PCDH7: variants seen among roughly 807,000 people sequenced by gnomAD.
PCDH7 encodes protocadherin-7.
Under a neutral mutation model 58.9 loss-of-function variants are expected in PCDH7, and 17 were observed. The ratio of observed to expected loss-of-function variants is 0.29; its 90% CI spans 0.20 to 0.43. PCDH7 has a LOEUF of 0.43. PCDH7 is among the 20% of genes least tolerant of loss of function. The probability of loss-of-function intolerance (pLI) is 1.00; values close to 1 mark genes in which losing one functional copy is unlikely to be tolerated. For synonymous variants in PCDH7, 664 were observed against 616.4 expected (o/e 1.08, Z -1.14); for missense variants, 1,274 against 1,441.0 (o/e 0.88, Z 1.88).
intron 3 of PCDH7, among the ~76,000 whole-genome samples, chr4:31,139,476 T>C (rs1719997636): frequency 6.6e-6 from 1 of 152,196 alleles, no homozygotes; most frequent in Non-Finnish European, 1.5e-5. Context: ...GTGAAAGGCT[T>C]TCCTCTATAA....
intron 3 of PCDH7, among the ~76,000 whole-genome samples, chr4:30,968,375 A>AATATATATATAT (rs1560541525): frequency 1.4e-5 from 1 of 71,750 alleles, no homozygotes; most frequent in Non-Finnish European, 2.7e-5. Context: ...ATATACACAC[A>AATATATATATAT]CTATATATAT....
rs1729375595 is a variant in PCDH7 at position 30,828,544 on chromosome 4, A to C, written c.71-91609A>C. Among the ~76,000 whole-genome samples the C allele has an allele frequency of 3.3e-5, 5 of 152,100 alleles. 1 individual carries two copies. The South Asian group carries it at 1.0e-3, about 32-fold the overall frequency. ...ATGAGAATGCATGTGTTCATCATGA[A>C]ATCTAATTAGAGTGATACCAAAAAA... On this transcript the variant is annotated intron_variant, in intron 1 of 3. Transcript: ENST00000509759.
At chr4:31,062,412 G>C (rs1300396806) in intron 3 of PCDH7, among the ~76,000 whole-genome samples, 1 of 151,648 alleles carries the variant, frequency 6.6e-6, no homozygotes, top group Middle Eastern at 3.2e-3. Context: ...GAAAATAATA[G>C]TTTTCTTGTT....
intron 3 of PCDH7, among the ~76,000 whole-genome samples, chr4:31,099,669 A>G (rs1198311557): frequency 6.6e-6 from 1 of 152,182 alleles, no homozygotes; most frequent in African/African-American, 2.4e-5. Context: ...TATTTCACAT[A>G]CGGTGAAATT....
intron 3 of PCDH7, among the ~76,000 whole-genome samples, chr4:31,045,589 T>A (rs1756216856): frequency 6.6e-6 from 1 of 152,054 alleles, no homozygotes; most frequent in Admixed American, 6.6e-5. Context: ...GTTCCTGATT[T>A]GCTACAGTTT....
intron 3 of PCDH7, among the ~76,000 whole-genome samples, chr4:30,988,242 A>G (rs1042624392): frequency 2.6e-5 from 4 of 152,208 alleles, no homozygotes; most frequent in Non-Finnish European, 5.9e-5. Flanking sequence ...TGCAGAAAAC[A>G]CATTATTTTG....
chr4:30,856,602 T>C (rs1733486464), intron 1 of PCDH7, among the ~76,000 whole-genome samples: 1 of 151,708 alleles, frequency 6.6e-6, no homozygotes, highest in South Asian at 2.1e-4. Context: ...ATTTGATACA[T>C]ACGTGTATAG....
chr4:30,907,634 G>T (rs1158978822), intron 1 of PCDH7, among the ~76,000 whole-genome samples: 1 of 152,112 alleles, frequency 6.6e-6, no homozygotes, highest in African/African-American at 2.4e-5. Context: ...AAATAGGAAT[G>T]CTTTTACACT....
At chr4:30,774,946 T>C (rs1721875673) in intron 1 of PCDH7, among the ~76,000 whole-genome samples, 1 of 152,232 alleles carries the variant, frequency 6.6e-6, no homozygotes, top group African/African-American at 2.4e-5. Flanking sequence ...GATTTAAGTG[T>C]AAATTTGTTG....
intron 3 of PCDH7, among the ~76,000 whole-genome samples, chr4:31,056,514 A>AAAGAAAGAAAGG (rs1560608904): frequency 2.0e-5 from 2 of 102,506 alleles, no homozygotes; most frequent in Non-Finnish European, 4.1e-5. Context: ...AGAAAGAAAG[A>AAAGAAAGAAAGG]AAGGGGAAGG....
At chr4:30,784,690 G>A (rs1040904502) in intron 1 of PCDH7, among the ~76,000 whole-genome samples, 5 of 151,512 alleles carry the variant, frequency 3.3e-5, no homozygotes, top group Non-Finnish European at 7.4e-5. Context: ...AGTATCTTTC[G>A]CTTAAGAAAA....
In PCDH7 at chr4:31,079,309, GATATATATATATAT is replaced by G. The variant is rs149501069; in HGVS notation, c.*8-63122_*8-63109del. On this transcript the variant is annotated intron_variant, in intron 3 of 3. Transcript: ENST00000509759. Reference sequence around the variant, plus strand: ...GTAAAAGATATTTACAATACTGGAAGATATATATATATATATATATATATATATATATATATATA... The same window carrying G: ...GTAAAAGATATTTACAATACTGGAAGATATATATATATATATATATATATA... 7.0e-3 allele frequency among the ~76,000 whole-genome samples: 469 copies of G among 67,376 alleles called. 8 individuals carry two copies. Among genetic ancestry groups the G allele is most frequent in the Middle Eastern group, 0.013 (1 of 76 alleles). The allele number at this position is 67,376 out of a possible 152,430, so 44.2% of individuals were successfully genotyped here. A position where few individuals can be genotyped will look rare whatever the true frequency, so the allele number is the denominator to read the frequency against.
intron 3 of PCDH7, among the ~76,000 whole-genome samples, chr4:31,102,086 G>T (rs935236796): frequency 2.0e-5 from 3 of 152,108 alleles, no homozygotes; most frequent in African/African-American, 7.2e-5. Flanking sequence ...AAGATATGCA[G>T]AATTCTAGCA....
intron 3 of PCDH7, among the ~76,000 whole-genome samples, chr4:31,051,387 C>T (rs6448740): frequency 6.6e-6 from 1 of 151,914 alleles, no homozygotes; most frequent in Non-Finnish European, 1.5e-5. Context: ...ATGAATGAAT[C>T]ATACACACCA....
rs560338981 is a variant in PCDH7 at position 30,901,302 on chromosome 4, G to A, written c.71-18851G>A. 1.2e-4 allele frequency among the ~76,000 whole-genome samples: 18 copies of A among 152,236 alleles called. No individual in the cohort carries two copies. In the South Asian group the frequency reaches 3.7e-3, roughly 32 times the overall value. Reference sequence around the variant, plus strand: ...ATAGTAAACAGAAAAACCAGATAGAGAGAGGAATAAGTATATATACCAATC... The same window carrying A: ...ATAGTAAACAGAAAAACCAGATAGAAAGAGGAATAAGTATATATACCAATC... On this transcript the variant is annotated intron_variant, in intron 1 of 3. Transcript: ENST00000509759.
chr4:30,754,259 G>A (rs960577438), intron 1 of PCDH7, among the ~76,000 whole-genome samples: 2 of 151,792 alleles, frequency 1.3e-5, no homozygotes, highest in Non-Finnish European at 2.9e-5. Context: ...ATTAGAAAAT[G>A]TCCTGAAAAA....
intron 3 of PCDH7, among the ~76,000 whole-genome samples, chr4:30,993,296 AT>A (rs1560561877): frequency 6.6e-6 from 1 of 152,168 alleles, no homozygotes; most frequent in Non-Finnish European, 1.5e-5. Flanking sequence ...GTGCTTGACA[AT>A]TTTTTGAAGT....
chr4:31,120,987 G>C (rs954696536), intron 3 of PCDH7, among the ~76,000 whole-genome samples: 1 of 152,144 alleles, frequency 6.6e-6, no homozygotes, highest in Non-Finnish European at 1.5e-5. Context: ...CACTTACATA[G>C]CTTTTTGTGT....
At chr4:30,935,290 A>G in intron 2 of PCDH7, 2 of 930,950 alleles carry the variant, frequency 2.1e-6, no homozygotes, top group Non-Finnish European at 2.6e-6. Context: ...TATTAAATGC[A>G]TGATTATTTT....
Sources: allele counts gnomAD v4.1 joint callset (sites outside exome capture counted in the v4.1 genomes callset), GRCh38; gene constraint gnomAD v4.1.1; transcripts MANE v1.5; gene names NCBI Gene and HGNC (gene_info 2026-07-23, HGNC 2026-07-21).